Variants in SON observed in about 807,000 individuals in gnomAD.
SON encodes SON DNA and RNA binding protein, also known as protein SON.
A neutral mutation model predicts 173.3 loss-of-function variants in SON; 4 were observed. The observed-to-expected ratio is 0.02, with a 90% CI of 0.01 to 0.05. The LOEUF is 0.05. SON is among the 10% of genes least tolerant of loss of function. The probability of loss-of-function intolerance (pLI) is 1.00; values close to 1 mark genes in which losing one functional copy is unlikely to be tolerated. For synonymous variants in SON, 1,190 were observed against 1,105.9 expected (o/e 1.08, Z -1.51); for missense variants, 2,626 against 3,055.3 (o/e 0.86, Z 3.31).
At chr21:33,568,108 G>C (rs781747295) in intron 7 of SON, among the ~76,000 whole-genome samples, 15 of 152,212 alleles carry the variant, frequency 9.9e-5, no homozygotes, top group Non-Finnish European at 1.6e-4. Flanking sequence ...ACAGTGCAAG[G>C]TGTTTAGTAA....
intron 6 of SON, among the ~76,000 whole-genome samples, chr21:33,562,303 T>C (rs973878937): frequency 6.6e-6 from 1 of 152,230 alleles, no homozygotes; most frequent in African/African-American, 2.4e-5. Context: ...TTGTTAGAGT[T>C]TGAAATAAAG....
chr21:33,577,108 A>T lies in SON; in HGVS notation c.*684A>T, dbSNP rs952639955. The T allele has an allele frequency of 6.5e-6, 1 of 154,050 alleles. No homozygotes were observed. The highest frequency in any genetic ancestry group is 1.4e-5 in the Non-Finnish European group (1 of 69,096). 9.5% of individuals were successfully genotyped at this position (154,050 alleles called of 1,614,324 possible). ...GTATGTTGTGTGATGATCAGCACTAAGTCCTGCATTCCTGTTAAAGCCACT... is the reference window on the plus strand; with the variant it reads ...GTATGTTGTGTGATGATCAGCACTATGTCCTGCATTCCTGTTAAAGCCACT... On this transcript the variant is annotated 3_prime_UTR_variant, in exon 12 of 12. Coordinates refer to ENST00000356577, the MANE Select transcript of SON (RefSeq NM_138927.4).
chr21:33,560,650 C>A, intron 6 of SON: 1 of 942,398 alleles, frequency 1.1e-6, no homozygotes, highest in Non-Finnish European at 1.3e-6. Flanking sequence ...TTTTAATAAA[C>A]AGTTTACTTT....
rs1178726025 is a variant in SON, at chr21:33,559,399, T to C, written c.6468+23T>C. 6.3e-7 allele frequency: 1 copy of C among 1,578,054 alleles called. No homozygotes were observed. Among genetic ancestry groups the C allele is most frequent in the Non-Finnish European group, 8.6e-7 (1 of 1,166,846 alleles). ...AATGTGAGTATTAGTGCTTATGGATTGGTAAAACAGTGTAACTTGTGGAAC... is the reference window on the plus strand; with the variant it reads ...AATGTGAGTATTAGTGCTTATGGATCGGTAAAACAGTGTAACTTGTGGAAC... On this transcript the variant is annotated intron_variant, in intron 5 of 11. Coordinates refer to ENST00000356577, the MANE Select transcript of SON (RefSeq NM_138927.4). The surrounding 1 kb of genome is among the most constrained non-coding windows in gnomAD (Gnocchi z 4.1).
intron 4 of SON, chr21:33,557,705 C>A: frequency 2.8e-6 from 4 of 1,438,324 alleles, no homozygotes; most frequent in Non-Finnish European, 3.7e-6. Flanking sequence ...CACAGACAAT[C>A]TTCAGAAATG....
chr21:33,560,636 T>A, intron 6 of SON: 1 of 947,810 alleles, frequency 1.1e-6, no homozygotes, highest in Non-Finnish European at 1.3e-6. Context: ...ACCTTTGCTG[T>A]ATCTTTTAAT....
chr21:33,557,116 T>C lies in SON; in HGVS notation c.6161-40T>C, dbSNP rs2070389. ...ACTTTTGGTAATACAAAATGTACAG[T>C]CTTTTAGGAAAACTGCAGCTTGTAT... is the stretch of plus-strand genomic sequence containing the variant. On this transcript the variant is annotated intron_variant, in intron 3 of 11. Transcript: ENST00000356577. 0.27 allele frequency: 427,058 copies of C among 1,582,368 alleles called. 59,745 individuals carry two copies. Among genetic ancestry groups the C allele is most frequent in the Non-Finnish European group, 0.29 (334,560 of 1,165,068 alleles).
In SON at chr21:33,555,405, A is replaced by C; in HGVS notation, c.6160+14A>C. 6.7e-7 allele frequency: 1 copy of C among 1,499,122 alleles called. No homozygotes were observed. The highest frequency in any genetic ancestry group is 8.9e-7 in the Non-Finnish European group (1 of 1,119,132). The allele number at this position is 1,499,122 out of a possible 1,614,324, so 92.9% of individuals were successfully genotyped here. A position where few individuals can be genotyped will look rare whatever the true frequency, so the allele number is the denominator to read the frequency against. ...TGACAGATTTGGGTGAGTCATTTTAAAGTTTAATGGGATGGTAGTAGAAAA... is the reference window on the plus strand; with the variant it reads ...TGACAGATTTGGGTGAGTCATTTTACAGTTTAATGGGATGGTAGTAGAAAA... On this transcript the variant is annotated intron_variant, in intron 3 of 11. Coordinates refer to ENST00000356577, the MANE Select transcript of SON (RefSeq NM_138927.4).
In SON at chr21:33,551,261, C is replaced by T. The variant is rs776593417; in HGVS notation, c.2030C>T (p.Ser677Leu). ...MTVSQSLEVP[S>L]TTALESYNTV... ...GTGTCGCAGTCCCTGGAGGTGCCCT[C>T]GACGACAGCGCTGGAATCCTATAAT... is the stretch of plus-strand genomic sequence containing the variant. Residue 677 changes from serine (S) to leucine (L), a missense_variant, in exon 3 of 12, where the codon TCG (serine) becomes TTG (leucine). Coordinates refer to ENST00000356577, the MANE Select transcript of SON (RefSeq NM_138927.4). The T allele has an allele frequency of 1.3e-5, 21 of 1,614,000 alleles. No individual in the cohort carries two copies. Among genetic ancestry groups the T allele is most frequent in the African/African-American group, 5.3e-5 (4 of 74,912 alleles).
At chr21:33,562,146 T>C (rs1479846915) in intron 6 of SON, among the ~76,000 whole-genome samples, 2 of 152,176 alleles carry the variant, frequency 1.3e-5, no homozygotes, top group Admixed American at 6.5e-5. Flanking sequence ...TTAGTTCCAG[T>C]TATTTAGTGA....
chr21:33,559,194 G>A lies in SON; in HGVS notation c.6322-36G>A, dbSNP rs763645183. 1.5e-5 allele frequency: 22 copies of A among 1,474,078 alleles called. No homozygotes were observed. The highest frequency in any genetic ancestry group is 9.6e-5 in the South Asian group (7 of 73,148). The allele number at this position is 1,474,078 out of a possible 1,614,324, so 91.3% of individuals were successfully genotyped here. ...AGAAATTACATGTTCTACATAAAGCGTAAGATTTATCTTTTGTTTGTTTTT... is the reference window on the plus strand; with the variant it reads ...AGAAATTACATGTTCTACATAAAGCATAAGATTTATCTTTTGTTTGTTTTT... On this transcript the variant is annotated intron_variant, in intron 4 of 11. Coordinates refer to ENST00000356577, the MANE Select transcript of SON (RefSeq NM_138927.4). The surrounding 1 kb of genome is among the most constrained non-coding windows in gnomAD (Gnocchi z 4.1).
At chr21:33,543,574 A>AT (rs2085524713) in intron 1 of SON, 1 of 257,578 alleles carries the variant, frequency 3.9e-6, no homozygotes, top group Non-Finnish European at 7.7e-6. Context: ...GCCGGTGCCT[A>AT]TGACCGGAAA....
At position 33,576,805 on chromosome 21, in the gene SON, A is replaced by C; in HGVS notation, c.*381A>C. ...TATTTGTTTAAGTGGCTAACATCCAAACGACTGTTTGAAGGCATCAGAGTA... is the reference window on the plus strand; with the variant it reads ...TATTTGTTTAAGTGGCTAACATCCACACGACTGTTTGAAGGCATCAGAGTA... On this transcript the variant is annotated 3_prime_UTR_variant, in exon 12 of 12. Transcript: ENST00000356577. 5 of 342,952 alleles carry C rather than the reference A, an allele frequency of 1.5e-5. No individual in the cohort carries two copies. Among genetic ancestry groups the C allele is most frequent in the East Asian group, 7.2e-5 (1 of 13,980 alleles). The allele number at this position is 342,952 out of a possible 1,614,324, so 21.2% of individuals were successfully genotyped here.
chr21:33,575,076 C>T (rs1017765405), intron 9 of SON, among the ~76,000 whole-genome samples: 5 of 151,872 alleles, frequency 3.3e-5, no homozygotes, highest in South Asian at 4.1e-4. Flanking sequence ...GAGTTTTGCT[C>T]GTTGCCCAGG....
At chr21:33,561,541 T>C (rs1434541653) in intron 6 of SON, among the ~76,000 whole-genome samples, 2 of 152,210 alleles carry the variant, frequency 1.3e-5, no homozygotes, top group African/African-American at 4.8e-5. Context: ...CCTGAGAAGA[T>C]AAGTGAGCAT....
intron 6 of SON, among the ~76,000 whole-genome samples, chr21:33,566,819 TA>T (rs2086181569): frequency 6.6e-6 from 1 of 152,148 alleles, no homozygotes; most frequent in Admixed American, 6.5e-5. Context: ...CAGTTTACTA[TA>T]AATGGCTTTC....
intron 6 of SON, among the ~76,000 whole-genome samples, chr21:33,566,025 G>A (rs1007318502): frequency 6.6e-6 from 1 of 152,128 alleles, no homozygotes; most frequent in African/African-American, 2.4e-5. Context: ...CTTAAGAGAA[G>A]TCTTTTATAC....
Position 33,550,499 on chromosome 21 carries a change from C to A in SON, c.1268C>A (p.Pro423Gln). The A allele has an allele frequency of 6.2e-7, 1 of 1,613,866 alleles. No individual in the cohort carries two copies. The highest frequency in any genetic ancestry group is 8.5e-7 in the Non-Finnish European group (1 of 1,179,838). Residue 423 changes from proline to glutamine, a missense_variant, in exon 3 of 12, where the codon CCA becomes CAA. This residue lies in a region of SON where 757 missense variants were observed against 730.1 expected (regional missense o/e 1.04). Transcript: ENST00000356577. ...VPELPGPLST[P>Q]VPELPGPPAT... is the part of the protein sequence containing the mutation. ...GAGTTGCCAGGGCCCCTTTCTACCC[C>A]AGTGCCTGAGTTGCCAGGGCCCCCT...
intron 1 of SON, among the ~76,000 whole-genome samples, chr21:33,545,783 T>C (rs2085600219): frequency 6.6e-6 from 1 of 152,230 alleles, no homozygotes; most frequent in Non-Finnish European, 1.5e-5. Flanking sequence ...CTTGATACTA[T>C]TGATGGTGAT....
Sources: gnomAD v4.1 joint callset for allele counts (sites outside exome capture counted in the v4.1 genomes callset) on GRCh38, gnomAD v4.1.1 for gene constraint, gnomAD v4.1.1 regional missense constraint, Gnocchi (gnomAD v3.1) non-coding constraint, MANE v1.5 for transcripts, NCBI Gene and HGNC (gene_info 2026-07-23, HGNC 2026-07-21) for gene names.